Variants in PDE1A observed in about 807,000 individuals in gnomAD.
The protein encoded by PDE1A is phosphodiesterase 1A, also known as dual specificity calcium/calmodulin-dependent 3',5'-cyclic nucleotide phosphodiesterase 1A.
PDE1A carries 35 observed loss-of-function variants against 61.7 expected under a neutral mutation model. That is an observed-to-expected ratio of 0.57 (90% CI 0.43 to 0.75). The LOEUF (loss-of-function observed/expected upper bound fraction) is 0.75, where lower values mean the gene tolerates loss of function less well. Ranked by LOEUF, PDE1A falls within the 30% of genes least tolerant of loss-of-function variation. PDE1A has a pLI of 0.00. For synonymous variants in PDE1A, 232 were observed against 213.2 expected, an observed-to-expected ratio of 1.09 and a Z score of -0.77; for missense variants, 597 against 630.6, an observed-to-expected ratio of 0.95 and a Z score of 0.57.
the PDE1A span, among the ~76,000 whole-genome samples, chr2:182,688,381 C>T: frequency 6.6e-6 from 1 of 152,308 alleles, no homozygotes; most frequent in East Asian, 1.9e-4. Flanking sequence ...ATACAACATT[C>T]TTAAAGAAAA....
In PDE1A at chr2:182,367,134, G is replaced by GA. The variant is rs543981316; in HGVS notation, c.53+59443dup. ...AATGGTTTATAAAATTTTCAAGTTA[G>GA]AAAAAAAAACAAGCTTGCTTTTGTT... On this transcript the variant is annotated intron_variant, in intron 1 of 13. Transcript: ENST00000351439. 4.8e-4 allele frequency among the ~76,000 whole-genome samples: 71 copies of GA among 149,234 alleles called. 1 individual carries two copies. Among genetic ancestry groups the GA allele is most frequent in the East Asian group, 2.7e-3 (14 of 5,112 alleles).
chr2:182,289,909 T>C (rs1394650660), intron 1 of PDE1A, among the ~76,000 whole-genome samples: 1 of 152,062 alleles, frequency 6.6e-6, no homozygotes, highest in Non-Finnish European at 1.5e-5. Flanking sequence ...TGAGACAGAC[T>C]CAGCTATGTA....
intron 2 of PDE1A, among the ~76,000 whole-genome samples, chr2:182,475,514 A>C (rs13410259): frequency 0.47 from 72,022 of 151,696 alleles, 17,580 homozygotes; most frequent in East Asian, 0.75. Context: ...CAGCCAGACT[A>C]TATGCTTTAC....
rs557668578 is a variant in PDE1A at position 182,195,763 on chromosome 2, A to G, written c.1125+5676T>C. Among the ~76,000 whole-genome samples the G allele has an allele frequency of 1.2e-4, 19 of 152,234 alleles. 1 individual carries two copies. Among genetic ancestry groups the G allele is most frequent in the African/African-American group, 4.6e-4 (19 of 41,578 alleles). ...TGAAAAACCCAGTCACCTTGGCTAA[A>G]TGCAGAGCAGAATGGTATCAGTACT... On this transcript the variant is annotated intron_variant, in intron 10 of 13. Transcript: ENST00000351439.
At chr2:182,576,257 A>G in the PDE1A span, among the ~76,000 whole-genome samples, 1 of 152,030 alleles carries the variant, frequency 6.6e-6, no homozygotes, top group Admixed American at 6.6e-5. Context: ...CCACCCTTCT[A>G]CTTTACGTCT....
chr2:182,203,777 TAAAC>T (rs1374458848), intron 8 of PDE1A, among the ~76,000 whole-genome samples: 3 of 151,898 alleles, frequency 2.0e-5, no homozygotes, highest in African/African-American at 7.2e-5. Context: ...CTTTAAGAAA[TAAAC>T]AGATATGTAA....
the PDE1A span, among the ~76,000 whole-genome samples, chr2:182,630,332 T>C: frequency 6.6e-6 from 1 of 152,198 alleles, no homozygotes; most frequent in Non-Finnish European, 1.5e-5. Flanking sequence ...GATTAGCCAA[T>C]TGGGCTAACA....
chr2:182,540,648 A>G, the PDE1A span, among the ~76,000 whole-genome samples: 2 of 152,304 alleles, frequency 1.3e-5, no homozygotes, highest in South Asian at 2.1e-4. Flanking sequence ...AAGTAAAGCC[A>G]TATTTTTTAC....
chr2:182,402,100 A>G (rs879173530), intron 1 of PDE1A, among the ~76,000 whole-genome samples: 1 of 152,234 alleles, frequency 6.6e-6, no homozygotes, highest in African/African-American at 2.4e-5. Flanking sequence ...CATACTGCCC[A>G]AAGTAATTTA....
the PDE1A span, among the ~76,000 whole-genome samples, chr2:182,616,643 A>C: frequency 4.6e-5 from 7 of 152,200 alleles, no homozygotes; most frequent in Admixed American, 4.6e-4. Context: ...CAGACTCCCC[A>C]GGAGAGGACA....
chr2:182,399,660 T>A (rs1701893473), intron 1 of PDE1A, among the ~76,000 whole-genome samples: 1 of 152,050 alleles, frequency 6.6e-6, no homozygotes, highest in African/African-American at 2.4e-5. Context: ...CTCACTCCTA[T>A]TTTTTTAAGT....
At chr2:182,303,535 G>C (rs991967708) in intron 1 of PDE1A, among the ~76,000 whole-genome samples, 1 of 152,156 alleles carries the variant, frequency 6.6e-6, no homozygotes. Context: ...AGGCAGAATA[G>C]CTCTGTTATT....
chr2:182,595,746 C>T, the PDE1A span, among the ~76,000 whole-genome samples: 1 of 152,180 alleles, frequency 6.6e-6, no homozygotes, highest in African/African-American at 2.4e-5. Context: ...AGGTGGATCT[C>T]TTGATATGAC....
the PDE1A span, among the ~76,000 whole-genome samples, chr2:182,568,244 A>T: frequency 2.0e-5 from 3 of 152,186 alleles, no homozygotes; most frequent in Admixed American, 6.5e-5. Context: ...ATTAAACTAA[A>T]GTTTACATTT....
chr2:182,662,401 A>G, the PDE1A span, among the ~76,000 whole-genome samples: 13 of 152,110 alleles, frequency 8.5e-5, no homozygotes, highest in East Asian at 1.9e-4. Flanking sequence ...AGCAAAAGGA[A>G]CAAAGCTGGA....
At chr2:182,212,884 G>T (rs1468440252) in intron 7 of PDE1A, among the ~76,000 whole-genome samples, 2 of 152,148 alleles carry the variant, frequency 1.3e-5, no homozygotes, top group African/African-American at 2.4e-5. Flanking sequence ...AAACAAAGCA[G>T]CCGGGAAGCT....
the PDE1A span, among the ~76,000 whole-genome samples, chr2:182,571,080 A>C: frequency 6.6e-6 from 1 of 152,212 alleles, no homozygotes; most frequent in African/African-American, 2.4e-5. Context: ...CTAATGTTTA[A>C]ATACTCATAT....
At chr2:182,302,803 T>C (rs1695331831) in intron 1 of PDE1A, among the ~76,000 whole-genome samples, 1 of 152,210 alleles carries the variant, frequency 6.6e-6, no homozygotes, top group South Asian at 2.1e-4. Flanking sequence ...AGTTTTTTTT[T>C]TCTTACCAAC....
chr2:182,190,967 GA>G (rs200473837), intron 10 of PDE1A, among the ~76,000 whole-genome samples: 17 of 149,178 alleles, frequency 1.1e-4, no homozygotes, highest in South Asian at 4.3e-4. Context: ...CCAAAAAAAA[GA>G]AAAAAAAATC....
Sources: gnomAD v4.1 joint callset for allele counts (sites outside exome capture counted in the v4.1 genomes callset) on GRCh38, gnomAD v4.1.1 for gene constraint, MANE v1.5 for transcripts, NCBI Gene and HGNC (gene_info 2026-07-23, HGNC 2026-07-21) for gene names.